Variants in TNR observed in about 807,000 individuals in gnomAD.
The protein encoded by TNR is tenascin R.
Under a neutral mutation model 150.4 loss-of-function variants are expected in TNR, and 45 were observed. The observed-to-expected ratio is 0.30, with a 90% CI of 0.24 to 0.38. The LOEUF (loss-of-function observed/expected upper bound fraction) is 0.38, where lower values mean the gene tolerates loss of function less well. TNR is among the 10% of genes least tolerant of loss of function. TNR has a pLI of 1.00. For missense variants in TNR, 1,544 were observed against 1,759.1 expected, an observed-to-expected ratio of 0.88 and a Z score of 2.19; for synonymous variants, 687 against 678.4, an observed-to-expected ratio of 1.01 and a Z score of -0.20.
At chr1:175,377,707 A>G (rs1274805121) in intron 9 of TNR, among the ~76,000 whole-genome samples, 1 of 151,984 alleles carries the variant, frequency 6.6e-6, no homozygotes, top group Non-Finnish European at 1.5e-5. Flanking sequence ...TGGGAGGAAA[A>G]CTGCTTTGAT....
chr1:175,561,054 T>G (rs1243176661), intron 1 of TNR, among the ~76,000 whole-genome samples: 1 of 152,258 alleles, frequency 6.6e-6, no homozygotes, highest in Non-Finnish European at 1.5e-5. Flanking sequence ...CTTGTTCTTC[T>G]AATTCAGAAC....
At chr1:175,412,236 C>A (rs968279845) in intron 2 of TNR, among the ~76,000 whole-genome samples, 1 of 152,154 alleles carries the variant, frequency 6.6e-6, no homozygotes, top group Non-Finnish European at 1.5e-5. Context: ...TGTTTTCCAG[C>A]CAGCTTTAAT....
intron 1 of TNR, among the ~76,000 whole-genome samples, chr1:175,736,337 T>A (rs6659566): frequency 0.056 from 8,523 of 152,064 alleles, 733 homozygotes; most frequent in African/African-American, 0.19. Flanking sequence ...CTGGCTAACA[T>A]GGTGAAACCT....
At chr1:175,737,467 T>G (rs1416264760) in intron 1 of TNR, among the ~76,000 whole-genome samples, 1 of 152,206 alleles carries the variant, frequency 6.6e-6, no homozygotes, top group African/African-American at 2.4e-5. Flanking sequence ...CATTAAGCCA[T>G]AGAAAGACCC....
At chr1:175,437,099 A>T (rs1215862712) in intron 2 of TNR, among the ~76,000 whole-genome samples, 4 of 152,108 alleles carry the variant, frequency 2.6e-5, no homozygotes, top group African/African-American at 7.2e-5. Context: ...ACACCACACC[A>T]ATTCCAAAAC....
chr1:175,417,011 A>AAAG (rs1553218221), intron 2 of TNR, among the ~76,000 whole-genome samples: 15 of 90,904 alleles, frequency 1.7e-4, no homozygotes, highest in African/African-American at 5.9e-4. Flanking sequence ...CCATCTCAAA[A>AAAG]AAAGAAAGAA....
intron 1 of TNR, among the ~76,000 whole-genome samples, chr1:175,530,681 T>C (rs981242848): frequency 9.2e-5 from 14 of 152,148 alleles, no homozygotes; most frequent in African/African-American, 3.4e-4. Context: ...CACATACTTT[T>C]ACAAGATTAT....
At chr1:175,428,517 C>G (rs924502642) in intron 2 of TNR, among the ~76,000 whole-genome samples, 1 of 152,242 alleles carries the variant, frequency 6.6e-6, no homozygotes, top group Non-Finnish European at 1.5e-5. Context: ...CTAAGCAACC[C>G]TGGAAGTCGA....
chr1:175,484,260 T>G (rs1657922105), intron 2 of TNR, among the ~76,000 whole-genome samples: 1 of 152,202 alleles, frequency 6.6e-6, no homozygotes, highest in Non-Finnish European at 1.5e-5. Flanking sequence ...TTCCTAAATG[T>G]GTTACTTTTC....
In TNR at chr1:175,499,604, T is replaced by C. The variant is rs78555676; in HGVS notation, c.-64+28665A>G. On this transcript the variant is annotated intron_variant, in intron 2 of 22. Transcript: ENST00000367674. ...TTCTTTACCATATCCCTGTGTCCTA[T>C]GCAAAGGTCTTCCTCTGACTAGGTT... Among the ~76,000 whole-genome samples, 1,145 of 152,310 alleles carry C rather than the reference T, an allele frequency of 7.5e-3. 9 individuals are homozygous for C. Among genetic ancestry groups the C allele is most frequent in the African/African-American group, 0.026 (1,091 of 41,570 alleles).
At chr1:175,567,831 T>C (rs989374767) in intron 1 of TNR, among the ~76,000 whole-genome samples, 1 of 152,180 alleles carries the variant, frequency 6.6e-6, no homozygotes, top group Non-Finnish European at 1.5e-5. Flanking sequence ...TGAAGTGGGA[T>C]GGACGTTCTT....
intron 16 of TNR, 123 bp from the exon 17 acceptor site, chr1:175,355,756 G>C (rs1651294906): frequency 6.6e-6 from 9 of 1,371,420 alleles, no homozygotes; most frequent in South Asian, 1.4e-5. Flanking sequence ...GCTGACCCCT[G>C]CTCTGGCTTG....
intron 9 of TNR, among the ~76,000 whole-genome samples, chr1:175,371,510 ATTAT>A (rs1165644545): frequency 1.1e-4 from 16 of 152,250 alleles, no homozygotes; most frequent in Non-Finnish European, 2.1e-4. Flanking sequence ...AAGTAAAATA[ATTAT>A]TTAGTGAGCA....
At chr1:175,553,362 A>G (rs915914846) in intron 1 of TNR, among the ~76,000 whole-genome samples, 7 of 152,154 alleles carry the variant, frequency 4.6e-5, no homozygotes, top group Non-Finnish European at 1.0e-4. Flanking sequence ...GGTAGACAGG[A>G]TCACAGCATC....
At chr1:175,649,311 C>T in intron 1 of TNR, among the ~76,000 whole-genome samples, 1 of 152,224 alleles carries the variant, frequency 6.6e-6, no homozygotes, top group Non-Finnish European at 1.5e-5. Flanking sequence ...GTTTTACCTC[C>T]TCAGAGCACT....
chr1:175,456,351 G>A (rs918998218), intron 2 of TNR, among the ~76,000 whole-genome samples: 14 of 152,130 alleles, frequency 9.2e-5, no homozygotes, highest in African/African-American at 3.1e-4. Context: ...TTTTCTTATA[G>A]TATCCATCAC....
intron 1 of TNR, among the ~76,000 whole-genome samples, chr1:175,650,721 CCCCTCCCCG>C (rs1664937119): frequency 2.8e-5 from 3 of 107,338 alleles, no homozygotes; most frequent in Admixed American, 9.1e-5. Context: ...CCTCCCCCTA[CCCCTCCCCG>C]CCTCATTACT....
chr1:175,516,381 C>T (rs889737866), intron 2 of TNR, among the ~76,000 whole-genome samples: 2 of 152,138 alleles, frequency 1.3e-5, no homozygotes, highest in African/African-American at 2.4e-5. Flanking sequence ...CAAATGACAG[C>T]GTGGCCCAGG....
chr1:175,486,798 T>A (rs1432545927), intron 2 of TNR, among the ~76,000 whole-genome samples: 1 of 152,246 alleles, frequency 6.6e-6, no homozygotes, highest in African/African-American at 2.4e-5. Flanking sequence ...GTTTCCTGAC[T>A]TTTTAGTGAT....
Sources: allele counts gnomAD v4.1 joint callset (sites outside exome capture counted in the v4.1 genomes callset), GRCh38; gene constraint gnomAD v4.1.1; transcripts MANE v1.5; gene names NCBI Gene and HGNC (gene_info 2026-07-23, HGNC 2026-07-21).